The following SLC9A2 variants were observed in gnomAD, a reference collection of about 807,000 sequenced individuals.
The protein encoded by SLC9A2 is solute carrier family 9 member A2.
A neutral mutation model predicts 71.7 loss-of-function variants in SLC9A2; 42 were observed. The observed-to-expected ratio is 0.59, with a 90% confidence interval of 0.46 to 0.76. The LOEUF is 0.76. Ranked by LOEUF, SLC9A2 falls within the 30% of genes least tolerant of loss-of-function variation. The pLI is 0.00. For missense variants in SLC9A2, 829 were observed against 1,017.4 expected (o/e 0.81, Z 2.52); for synonymous variants, 396 against 392.5 (o/e 1.01, Z -0.10).
intron 7 of SLC9A2, among the ~76,000 whole-genome samples, chr2:102,696,876 A>G (rs188391304): frequency 2.6e-4 from 39 of 152,308 alleles, no homozygotes; most frequent in Admixed American, 1.0e-3. Context: ...TCTCAGGGGA[A>G]GTATTCCCTT....
chr2:102,643,207 G>C (rs190146399), intron 1 of SLC9A2, among the ~76,000 whole-genome samples: 9 of 152,258 alleles, frequency 5.9e-5, no homozygotes, highest in African/African-American at 2.2e-4. Context: ...GTCCTTCCTG[G>C]CTCTACAGGG....
intron 5 of SLC9A2, among the ~76,000 whole-genome samples, chr2:102,690,282 T>G (rs1180027614): frequency 6.6e-6 from 1 of 151,744 alleles, no homozygotes; most frequent in Non-Finnish European, 1.5e-5. Flanking sequence ...AAAGTGTGAG[T>G]GGAGAGTGCA....
At chr2:102,673,668 T>C (rs1038790800) in intron 3 of SLC9A2, among the ~76,000 whole-genome samples, 1 of 152,174 alleles carries the variant, frequency 6.6e-6, no homozygotes, top group Non-Finnish European at 1.5e-5. Context: ...AAGGATGATA[T>C]CCTTTCTGGC....
intron 3 of SLC9A2, among the ~76,000 whole-genome samples, chr2:102,679,770 T>C (rs549942089): frequency 1.3e-5 from 2 of 152,362 alleles, no homozygotes; most frequent in Non-Finnish European, 2.9e-5. Context: ...TGGTTTACTT[T>C]TTTCCCAGTG....
chr2:102,633,418 G>T (rs1018664729), intron 1 of SLC9A2, among the ~76,000 whole-genome samples: 30 of 152,088 alleles, frequency 2.0e-4, no homozygotes, highest in Admixed American at 1.8e-3. Context: ...TCTTAACCTG[G>T]AGCCAGAGGC....
intron 1 of SLC9A2, among the ~76,000 whole-genome samples, chr2:102,637,928 G>T (rs1676499921): frequency 6.6e-6 from 1 of 152,224 alleles, no homozygotes; most frequent in South Asian, 2.1e-4. Flanking sequence ...AGATGGGAGG[G>T]GTTACGGGGA....
chr2:102,679,993 G>A (rs1410576907), intron 3 of SLC9A2, among the ~76,000 whole-genome samples: 1 of 152,172 alleles, frequency 6.6e-6, no homozygotes, highest in Non-Finnish European at 1.5e-5. Context: ...GACTGGAGAA[G>A]GCTGGGTAGT....
At chr2:102,680,941 C>G (rs895659525) in intron 3 of SLC9A2, among the ~76,000 whole-genome samples, 1 of 152,106 alleles carries the variant, frequency 6.6e-6, no homozygotes, top group Non-Finnish European at 1.5e-5. Flanking sequence ...CTAGAGAAGG[C>G]AGGGGACAGA....
intron 2 of SLC9A2, among the ~76,000 whole-genome samples, chr2:102,662,096 C>T (rs746119800): frequency 1.3e-5 from 2 of 152,160 alleles, no homozygotes; most frequent in Admixed American, 1.3e-4. Flanking sequence ...GAGATATTAG[C>T]TCTGACACTG....
At chr2:102,646,419 A>G (rs546785346) in intron 1 of SLC9A2, among the ~76,000 whole-genome samples, 34 of 152,328 alleles carry the variant, frequency 2.2e-4, no homozygotes, top group Non-Finnish European at 4.3e-4. Flanking sequence ...AACAACTAGC[A>G]TCATGATGAC....
chr2:102,635,309 T>C (rs930936728), intron 1 of SLC9A2, among the ~76,000 whole-genome samples: 4 of 152,252 alleles, frequency 2.6e-5, no homozygotes, highest in African/African-American at 9.6e-5. Flanking sequence ...GGATACATTG[T>C]TCGTGTTAAC....
chr2:102,695,028 C>T lies in SLC9A2; in HGVS notation c.1516-15C>T. ...AGGTAAAGACTAATCAATTTGCCTG[C>T]TTTTTCTGTTTTAGTTGTTTGATCA... On this transcript the variant is annotated splice_polypyrimidine_tract_variant and intron_variant, in intron 6 of 11. Transcript: ENST00000233969. 2.5e-6 allele frequency: 4 copies of T among 1,611,688 alleles called. No homozygotes were observed. Among genetic ancestry groups the T allele is most frequent in the Non-Finnish European group, 3.4e-6 (4 of 1,178,316 alleles).
intron 1 of SLC9A2, among the ~76,000 whole-genome samples, chr2:102,627,075 C>T (rs1676262503): frequency 6.6e-6 from 1 of 152,016 alleles, no homozygotes; most frequent in Non-Finnish European, 1.5e-5. Context: ...CACTTGAGGC[C>T]AGAAGTTTGA....
intron 2 of SLC9A2, among the ~76,000 whole-genome samples, chr2:102,664,462 C>T (rs1677099148): frequency 6.6e-6 from 1 of 151,694 alleles, no homozygotes; most frequent in Admixed American, 6.6e-5. Context: ...CACACACACA[C>T]ACACACACAC....
intron 5 of SLC9A2, among the ~76,000 whole-genome samples, chr2:102,691,406 T>C (rs1180515024): frequency 6.6e-6 from 1 of 152,142 alleles, no homozygotes; most frequent in Non-Finnish European, 1.5e-5. Flanking sequence ...ATAAGGTGCT[T>C]TCTTGGTCTT....
chr2:102,619,802 C>T lies in SLC9A2; in HGVS notation c.-47C>T, dbSNP rs375752301. 4,476 of 1,445,782 alleles carry T rather than the reference C, an allele frequency of 3.1e-3. 11 individuals are homozygous for T. The highest frequency in any genetic ancestry group is 3.7e-3 in the Non-Finnish European group (4,101 of 1,100,628). The allele number at this position is 1,445,782 out of a possible 1,614,324, so 89.6% of individuals were successfully genotyped here. On this transcript the variant is annotated 5_prime_UTR_variant, in exon 1 of 12. Transcript: ENST00000233969. This position sits in a 1 kb window ranked among gnomAD's most constrained non-coding sequence, Gnocchi z 4.3. ...CAGCCCGGGCGCGATGCGTTGAGCG[C>T]TCGGAGGGCCAACCGCCGGTCCCCT...
intron 3 of SLC9A2, among the ~76,000 whole-genome samples, chr2:102,675,348 T>C (rs1480602048): frequency 6.6e-6 from 1 of 152,186 alleles, no homozygotes; most frequent in Non-Finnish European, 1.5e-5. Context: ...ACCTGTTGTG[T>C]GCTATAGGCA....
At chr2:102,701,023 T>G in intron 7 of SLC9A2, 47 bp from the exon 8 acceptor site, 1 of 1,342,266 alleles carries the variant, frequency 7.5e-7, no homozygotes. Context: ...ACAACTATTT[T>G]CTTAGTCAAT....
At chr2:102,704,980 T>C (rs1677946387) in intron 10 of SLC9A2, among the ~76,000 whole-genome samples, 1 of 152,068 alleles carries the variant, frequency 6.6e-6, no homozygotes, top group Admixed American at 6.6e-5. Flanking sequence ...GGCAGGTGGA[T>C]TGCCTGAGCT....
Sources: gnomAD v4.1 joint callset for allele counts (sites outside exome capture counted in the v4.1 genomes callset) on GRCh38, gnomAD v4.1.1 for gene constraint, Gnocchi (gnomAD v3.1) non-coding constraint, MANE v1.5 for transcripts, NCBI Gene and HGNC (gene_info 2026-07-23, HGNC 2026-07-21) for gene names.